CNTNAP2: variants seen among roughly 807,000 people sequenced by gnomAD.
CNTNAP2 encodes contactin associated protein 2.
CNTNAP2 carries 98 observed loss-of-function variants against 155.2 expected under a neutral mutation model. That is an observed-to-expected ratio of 0.63 (90% confidence interval 0.54 to 0.75). CNTNAP2 has a LOEUF of 0.75. Ranked by LOEUF, CNTNAP2 falls within the 30% of genes least tolerant of loss-of-function variation. The probability of loss-of-function intolerance (pLI) is 0.00; values close to 1 mark genes in which losing one functional copy is unlikely to be tolerated. For synonymous variants in CNTNAP2, 651 were observed against 631.2 expected (o/e 1.03, Z -0.47); for missense variants, 1,727 against 1,688.1 (o/e 1.02, Z -0.40).
chr7:147,648,990 G>A (rs1217873765), intron 13 of CNTNAP2, among the ~76,000 whole-genome samples: 1 of 152,160 alleles, frequency 6.6e-6, no homozygotes, highest in East Asian at 1.9e-4. Flanking sequence ...CACTATGAAA[G>A]AACGTTTTCC....
intron 9 of CNTNAP2, among the ~76,000 whole-genome samples, chr7:147,353,126 C>CATATACGTATATGTATATATAT (rs1563171442): frequency 2.6e-5 from 4 of 151,046 alleles, no homozygotes; most frequent in African/African-American, 4.9e-5. Context: ...TGTATATATA[C>CATATACGTATATGTATATATAT]ATACATATAC....
chr7:148,220,747 G>A (rs1331962974), intron 19 of CNTNAP2, among the ~76,000 whole-genome samples: 1 of 152,040 alleles, frequency 6.6e-6, no homozygotes, highest in Non-Finnish European at 1.5e-5. Context: ...TCAGAAAGAT[G>A]AAAACAGTAA....
intron 1 of CNTNAP2, among the ~76,000 whole-genome samples, chr7:146,323,485 G>A (rs1801041615): frequency 6.6e-6 from 1 of 151,892 alleles, no homozygotes; most frequent in African/African-American, 2.4e-5. Context: ...CGGCTATATA[G>A]GCATGAAATG....
intron 15 of CNTNAP2, among the ~76,000 whole-genome samples, chr7:148,081,850 G>A (rs554273774): frequency 3.3e-5 from 5 of 152,270 alleles, no homozygotes; most frequent in Admixed American, 3.3e-4. Flanking sequence ...ATGAATGTAT[G>A]TGAGAAAGTG....
chr7:148,340,839 G>T (rs903926437), intron 21 of CNTNAP2, among the ~76,000 whole-genome samples: 5 of 152,218 alleles, frequency 3.3e-5, no homozygotes, highest in African/African-American at 9.7e-5. Context: ...AGAGAGAACA[G>T]AAAGTGTAAT....
intron 1 of CNTNAP2, among the ~76,000 whole-genome samples, chr7:146,731,444 T>G (rs1015360155): frequency 2.0e-5 from 3 of 152,186 alleles, no homozygotes; most frequent in African/African-American, 7.2e-5. Flanking sequence ...GCTTAACTGT[T>G]TTTTATTTCC....
At chr7:148,168,610 T>C (rs1239063641) in intron 17 of CNTNAP2, among the ~76,000 whole-genome samples, 3 of 151,226 alleles carry the variant, frequency 2.0e-5, no homozygotes, top group Non-Finnish European at 4.4e-5. Flanking sequence ...ATACCTAATG[T>C]TAAATGACAA....
chr7:147,646,588 T>C (rs1318919814), intron 13 of CNTNAP2, among the ~76,000 whole-genome samples: 1 of 76,144 alleles, frequency 1.3e-5, no homozygotes, highest in East Asian at 2.1e-4. Flanking sequence ...TATGTACCAA[T>C]TTTTTTTTTC....
chr7:146,406,403 T>A (rs1795792205), intron 1 of CNTNAP2, among the ~76,000 whole-genome samples: 1 of 152,224 alleles, frequency 6.6e-6, no homozygotes, highest in South Asian at 2.1e-4. Flanking sequence ...CTGCTTCTCT[T>A]CAGACATGGT....
chr7:148,092,186 G>T (rs886495876), intron 15 of CNTNAP2, among the ~76,000 whole-genome samples: 1 of 152,190 alleles, frequency 6.6e-6, no homozygotes, highest in African/African-American at 2.4e-5. Flanking sequence ...GGGGGAGCAG[G>T]TTTCCTAATT....
At chr7:147,838,605 G>T (rs1360670734) in intron 13 of CNTNAP2, among the ~76,000 whole-genome samples, 2 of 152,168 alleles carry the variant, frequency 1.3e-5, no homozygotes, top group Non-Finnish European at 2.9e-5. Context: ...AATGCTGTCA[G>T]TCTCTTTGCT....
intron 13 of CNTNAP2, among the ~76,000 whole-genome samples, chr7:147,828,244 T>C (rs980746378): frequency 5.3e-5 from 8 of 152,182 alleles, no homozygotes; most frequent in African/African-American, 1.7e-4. Flanking sequence ...ACCAGGGCAT[T>C]GAAGCCCAAG....
At chr7:147,272,740 A>G (rs1033700315) in intron 8 of CNTNAP2, among the ~76,000 whole-genome samples, 3 of 149,976 alleles carry the variant, frequency 2.0e-5, no homozygotes, top group African/African-American at 4.9e-5. Flanking sequence ...ATCTCCTGAC[A>G]TCATGATCCA....
At chr7:147,390,861 G>C (rs1796702386) in intron 9 of CNTNAP2, among the ~76,000 whole-genome samples, 1 of 151,974 alleles carries the variant, frequency 6.6e-6, no homozygotes, top group Non-Finnish European at 1.5e-5. Context: ...CTTGGAGATT[G>C]ATTGCCGGTG....
chr7:148,334,680 C>T (rs1798086012), intron 21 of CNTNAP2, among the ~76,000 whole-genome samples: 1 of 152,200 alleles, frequency 6.6e-6, no homozygotes, highest in Admixed American at 6.5e-5. Flanking sequence ...GCACCAGGGC[C>T]TGCACACCTT....
intron 1 of CNTNAP2, among the ~76,000 whole-genome samples, chr7:146,181,967 A>T (rs1025517633): frequency 3.9e-5 from 6 of 151,984 alleles, no homozygotes; most frequent in Non-Finnish European, 5.9e-5. Flanking sequence ...GTTAGCTTAG[A>T]GCTTATATTC....
At chr7:146,433,880 A>G (rs1796205935) in intron 1 of CNTNAP2, among the ~76,000 whole-genome samples, 1 of 152,202 alleles carries the variant, frequency 6.6e-6, no homozygotes, top group Admixed American at 6.6e-5. Context: ...AGGCATAAGC[A>G]GCAAACCTAA....
intron 8 of CNTNAP2, among the ~76,000 whole-genome samples, chr7:147,154,476 T>A (rs1283913635): frequency 6.6e-6 from 1 of 152,230 alleles, no homozygotes; most frequent in East Asian, 1.9e-4. Flanking sequence ...TAAAAACATT[T>A]TAAACTTACT....
chr7:146,552,411 A>T (rs192721092), intron 1 of CNTNAP2, among the ~76,000 whole-genome samples: 18 of 152,134 alleles, frequency 1.2e-4, no homozygotes, highest in African/African-American at 4.3e-4. Context: ...TAACGCATTA[A>T]CTTCACACTA....
Sources: gnomAD v4.1 joint callset for allele counts (sites outside exome capture counted in the v4.1 genomes callset) on GRCh38, gnomAD v4.1.1 for gene constraint, MANE v1.5 for transcripts, NCBI Gene and HGNC (gene_info 2026-07-23, HGNC 2026-07-21) for gene names.